The following CD1B variants were observed in gnomAD, a reference collection of about 807,000 sequenced individuals.
CD1B encodes the protein CD1b molecule.
A neutral mutation model predicts 39.8 loss-of-function variants in CD1B; 43 were observed. The ratio of observed to expected loss-of-function variants is 1.08; its 90% CI spans 0.85 to 1.39. The LOEUF (loss-of-function observed/expected upper bound fraction) is 1.39. CD1B is among the 40% of genes most tolerant of loss of function. CD1B has a pLI of 0.00. For missense variants in CD1B, 495 were observed against 403.8 expected (o/e 1.23, Z -1.94); for synonymous variants, 192 against 152.5 (o/e 1.26, Z -1.91).
chr1:158,325,805 C>T (rs1452938738), downstream of CD1B, among the ~76,000 whole-genome samples: 1 of 152,088 alleles, frequency 6.6e-6, no homozygotes, highest in Non-Finnish European at 1.5e-5. Context: ...AGTACATTCA[C>T]ACTGTTGTGC....
the CD1B span, chr1:158,290,069 TGTTTCTGCA>T: frequency 1.2e-6 from 2 of 1,613,922 alleles, no homozygotes; most frequent in Non-Finnish European, 1.7e-6. Flanking sequence ...AATGACATGC[TGTTTCTGCA>T]GTTTCTGCTG....
At chr1:158,291,073 A>G in the CD1B span, 7 of 1,526,758 alleles carry the variant, frequency 4.6e-6, no homozygotes, top group Admixed American at 6.3e-5. Flanking sequence ...TTTTCTCTCC[A>G]TTTTCCTTGC....
the CD1B span, among the ~76,000 whole-genome samples, chr1:158,309,373 AC>A: frequency 6.6e-6 from 1 of 152,162 alleles, no homozygotes; most frequent in Non-Finnish European, 1.5e-5. Flanking sequence ...ACACTTTTAC[AC>A]TGTTGGTGGG....
At chr1:158,327,626 T>C (rs932427432), downstream of CD1B, among the ~76,000 whole-genome samples, 2 of 152,206 alleles carry the variant, frequency 1.3e-5, no homozygotes, top group African/African-American at 4.8e-5. Flanking sequence ...TAGGGAACAC[T>C]GTCCTCAAGG....
chr1:158,290,013 A>C, the CD1B span: 1 of 1,545,092 alleles, frequency 6.5e-7, no homozygotes, highest in African/African-American at 1.4e-5. Context: ...GTTTGCTAAG[A>C]ACAGAGATCA....
the CD1B span, among the ~76,000 whole-genome samples, chr1:158,311,204 C>A: frequency 6.6e-6 from 1 of 151,676 alleles, no homozygotes; most frequent in Admixed American, 6.6e-5. Context: ...TGTTTAGTTA[C>A]CTGCTTAGAC....
the CD1B span, among the ~76,000 whole-genome samples, chr1:158,312,970 T>C: frequency 6.6e-6 from 1 of 152,206 alleles, no homozygotes; most frequent in African/African-American, 2.4e-5. Flanking sequence ...TTTTGTTTTA[T>C]ATTAGCTGTG....
the CD1B span, among the ~76,000 whole-genome samples, chr1:158,312,621 C>T: frequency 2.0e-5 from 3 of 151,974 alleles, no homozygotes; most frequent in African/African-American, 7.2e-5. Flanking sequence ...AGCTATTGTA[C>T]ATGGAATTGT....
At chr1:158,293,654 T>C in the CD1B span, 1 of 1,443,746 alleles carries the variant, frequency 6.9e-7, no homozygotes. Flanking sequence ...ATCTCCACTT[T>C]TTATATAGCA....
At chr1:158,286,821 T>G in the CD1B span, among the ~76,000 whole-genome samples, 1 of 152,132 alleles carries the variant, frequency 6.6e-6, no homozygotes, top group Non-Finnish European at 1.5e-5. Flanking sequence ...TGAGGGGGAA[T>G]TTCCCATAAA....
At chr1:158,290,857 G>A in the CD1B span, among the ~76,000 whole-genome samples, 1 of 152,152 alleles carries the variant, frequency 6.6e-6, no homozygotes, top group Non-Finnish European at 1.5e-5. Context: ...TCAGCTGCAA[G>A]GTTACATGTA....
the CD1B span, among the ~76,000 whole-genome samples, chr1:158,318,321 G>A: frequency 6.6e-6 from 1 of 152,058 alleles, no homozygotes; most frequent in Non-Finnish European, 1.5e-5. Context: ...GGTCACTCAG[G>A]ACTTGCTTTA....
At chr1:158,303,948 G>A in the CD1B span, among the ~76,000 whole-genome samples, 1 of 151,950 alleles carries the variant, frequency 6.6e-6, no homozygotes, top group African/African-American at 2.4e-5. Flanking sequence ...AATCAAAAAA[G>A]AGTCTGGGGG....
chr1:158,304,516 G>A, the CD1B span, among the ~76,000 whole-genome samples: 1 of 152,168 alleles, frequency 6.6e-6, no homozygotes, highest in African/African-American at 2.4e-5. Context: ...CTGGGGGCAG[G>A]GCACAGCCAA....
rs75664720 is a variant in CD1B, at chr1:158,328,903, A to G, written c.980+18T>C. ...AAAAGACATATTAAAAAAAAAAACA[A>G]CACCACCCACAACTCACCGGCGCCT... On this transcript the variant is annotated intron_variant, in intron 5 of 5. Transcript: ENST00000368168. 6.5e-7 allele frequency: 1 copy of G among 1,548,840 alleles called. No individual in the cohort carries two copies. Among genetic ancestry groups the G allele is most frequent in the East Asian group, 2.3e-5 (1 of 44,086 alleles).
At chr1:158,299,774 A>G in the CD1B span, among the ~76,000 whole-genome samples, 4 of 152,160 alleles carry the variant, frequency 2.6e-5, no homozygotes, top group Admixed American at 6.5e-5. Flanking sequence ...TTATTTGCAC[A>G]GAGATGTTTA....
At chr1:158,316,827 G>C in the CD1B span, among the ~76,000 whole-genome samples, 2 of 151,818 alleles carry the variant, frequency 1.3e-5, no homozygotes, top group African/African-American at 4.9e-5. Flanking sequence ...TTTGAAATAC[G>C]TCCCATCAAT....
downstream of CD1B, among the ~76,000 whole-genome samples, chr1:158,323,509 T>C (rs188430710): frequency 6.6e-6 from 1 of 152,290 alleles, no homozygotes; most frequent in Admixed American, 6.5e-5. Flanking sequence ...GTTTTGTCTG[T>C]TTGGTGAGGT....
downstream of CD1B, among the ~76,000 whole-genome samples, chr1:158,323,265 A>C (rs746624209): frequency 1.3e-5 from 2 of 150,878 alleles, no homozygotes; most frequent in African/African-American, 2.4e-5. Flanking sequence ...CTGCTTGATT[A>C]ATTCTGCTGT....
Sources: gnomAD v4.1 joint callset for allele counts (sites outside exome capture counted in the v4.1 genomes callset) on GRCh38, gnomAD v4.1.1 for gene constraint, MANE v1.5 for transcripts, NCBI Gene and HGNC (gene_info 2026-07-23, HGNC 2026-07-21) for gene names.